Variants in BCAS3 observed in about 807,000 individuals in gnomAD.
BCAS3 encodes the protein BCAS3 microtubule associated cell migration factor.
In BCAS3, 53 loss-of-function variants were observed where a neutral mutation model predicts 116.1. The ratio of observed to expected loss-of-function variants is 0.46; its 90% CI spans 0.37 to 0.57. The LOEUF is 0.57. Among genes scored for constraint, BCAS3 ranks in the 20% least tolerant of loss-of-function variants. The pLI is 0.00. For missense variants in BCAS3, 917 were observed against 1,165.4 expected, an observed-to-expected ratio of 0.79 and a Z score of 3.10; for synonymous variants, 391 against 408.2, an observed-to-expected ratio of 0.96 and a Z score of 0.51.
At chr17:61,321,132 T>G (rs2055179019) in intron 22 of BCAS3, among the ~76,000 whole-genome samples, 1 of 152,342 alleles carries the variant, frequency 6.6e-6, no homozygotes, top group East Asian at 1.9e-4. Context: ...TTCTTTTTTT[T>G]TCTAATGAGA....
rs1413799862 is a variant in BCAS3 at position 61,095,275 on chromosome 17, T to G, written c.2425+10711T>G. 2.0e-5 allele frequency among the ~76,000 whole-genome samples: 3 copies of G among 152,202 alleles called. No homozygotes were observed. Among genetic ancestry groups the G allele is most frequent in the Non-Finnish European group, 4.4e-5 (3 of 68,024 alleles). On this transcript the variant is annotated intron_variant, in intron 22 of 23. Transcript: ENST00000407086. This position sits in a 1 kb window ranked among gnomAD's most constrained non-coding sequence, Gnocchi z 4.7. ...AATCTAGCTGTTGTCTATTAGAGGA[T>G]TTTCTCTTAAAAATGTTACTTTTCT...
intron 9 of BCAS3, among the ~76,000 whole-genome samples, chr17:60,887,874 G>T (rs1260902892): frequency 6.6e-6 from 1 of 152,024 alleles, no homozygotes; most frequent in African/African-American, 2.4e-5. Flanking sequence ...TTTTAGTAAT[G>T]GACAAATATA....
chr17:60,932,151 A>G (rs564261071), intron 13 of BCAS3, among the ~76,000 whole-genome samples: 3 of 152,316 alleles, frequency 2.0e-5, no homozygotes, highest in African/African-American at 4.8e-5. Flanking sequence ...TTTCATTATT[A>G]TCAATCACCT....
chr17:60,784,813 A>C (rs965239621), intron 6 of BCAS3, among the ~76,000 whole-genome samples: 1 of 151,554 alleles, frequency 6.6e-6, no homozygotes, highest in Non-Finnish European at 1.5e-5. Flanking sequence ...AAATGTAGCT[A>C]GGCCAGGCGC....
chr17:61,028,988 CTTTGT>C lies in BCAS3; in HGVS notation c.1638-5674_1638-5670del, dbSNP rs2066449540. ...TCTTCCATTTTGTTTATAAGAGCTC[CTTTGT>C]TTTAATAGTTTTTGCTATTTTTCCA... On this transcript the variant is annotated intron_variant, in intron 16 of 23. Coordinates refer to ENST00000407086, the MANE Select transcript of BCAS3 (RefSeq NM_017679.5). The surrounding 1 kb of genome is among the most constrained non-coding windows in gnomAD (Gnocchi z 4.3). Among the ~76,000 whole-genome samples the C allele has an allele frequency of 6.6e-6, 1 of 151,644 alleles. No individual in the cohort carries two copies. Among genetic ancestry groups the C allele is most frequent in the Non-Finnish European group, 1.5e-5 (1 of 67,810 alleles).
At position 61,208,324 on chromosome 17, in the gene BCAS3, ATG is replaced by A. The variant is rs2081265801; in HGVS notation, c.2425+123762_2425+123763del. 6.6e-6 allele frequency among the ~76,000 whole-genome samples: 1 copy of A among 152,082 alleles called. No homozygotes were observed. The highest frequency in any genetic ancestry group is 2.4e-5 in the African/African-American group (1 of 41,414). ...CAGGGACCAGAGAATTTTCTTCTTG[ATG>A]TTCTGTTAAAGCCTTGCTAAGCTCT... is the stretch of plus-strand genomic sequence containing the variant. On this transcript the variant is annotated intron_variant, in intron 22 of 23. Transcript: ENST00000407086. The surrounding 1 kb of genome is among the most constrained non-coding windows in gnomAD (Gnocchi z 4.5).
chr17:61,108,720 G>A (rs1023887806), intron 22 of BCAS3, among the ~76,000 whole-genome samples: 5 of 151,098 alleles, frequency 3.3e-5, no homozygotes, highest in Non-Finnish European at 7.4e-5. Flanking sequence ...CCCGAGCAGT[G>A]TACACTGTAT....
chr17:60,872,945 G>T lies in BCAS3; in HGVS notation c.585-1717G>T, dbSNP rs150010240. On this transcript the variant is annotated intron_variant, in intron 8 of 23. Coordinates refer to ENST00000407086, the MANE Select transcript of BCAS3 (RefSeq NM_017679.5). ...CATTATTTGATATTTTCTGTCAAAC[G>T]CTGTGTGTAGAGGAATAGTACAGAC... 7.2e-5 allele frequency among the ~76,000 whole-genome samples: 11 copies of T among 152,074 alleles called. No individual in the cohort carries two copies. The East Asian group carries it at 2.1e-3, about 29-fold the overall frequency.
chr17:61,135,117 T>G (rs2076551162), intron 22 of BCAS3, among the ~76,000 whole-genome samples: 1 of 152,200 alleles, frequency 6.6e-6, no homozygotes, highest in Admixed American at 6.5e-5. Context: ...GTTTCATGCT[T>G]CTTATAATGA....
At chr17:61,168,892 A>C (rs984209600) in intron 22 of BCAS3, among the ~76,000 whole-genome samples, 5 of 152,190 alleles carry the variant, frequency 3.3e-5, no homozygotes, top group African/African-American at 1.2e-4. Context: ...AGTAGTATAA[A>C]CTGATTTCTG....
chr17:61,353,550 A>AT (rs1390629276), intron 22 of BCAS3: 8 of 152,342 alleles, frequency 5.3e-5, no homozygotes, highest in African/African-American at 1.4e-4. Flanking sequence ...CAACCGTGAA[A>AT]CGGGGAATAG....
intron 18 of BCAS3, among the ~76,000 whole-genome samples, chr17:61,038,276 ATTTT>A (rs1157013916): frequency 7.3e-6 from 1 of 136,714 alleles, no homozygotes; most frequent in Non-Finnish European, 1.6e-5. Context: ...AGTTTCTAGA[ATTTT>A]TTTTTTTTTT....
At position 61,134,428 on chromosome 17, in the gene BCAS3, A is replaced by G. The variant is rs1043530803; in HGVS notation, c.2425+49864A>G. 6.6e-6 allele frequency among the ~76,000 whole-genome samples: 1 copy of G among 152,196 alleles called. No individual in the cohort carries two copies. The highest frequency in any genetic ancestry group is 1.9e-4 in the East Asian group (1 of 5,200). On this transcript the variant is annotated intron_variant, in intron 22 of 23. Transcript: ENST00000407086. This position sits in a 1 kb window ranked among gnomAD's most constrained non-coding sequence, Gnocchi z 4.6. Reference sequence around the variant, plus strand: ...GTGGAATGAGGATTCGGAACCACGCATGTCTGACTCCAGAGCCCTCGCTTT... The same window carrying G: ...GTGGAATGAGGATTCGGAACCACGCGTGTCTGACTCCAGAGCCCTCGCTTT...
At position 61,349,518 on chromosome 17, in the gene BCAS3, G is replaced by A. The variant is rs1216664183; in HGVS notation, c.2426-18809G>A. Among the ~76,000 whole-genome samples, 4 of 152,106 alleles carry A rather than the reference G, an allele frequency of 2.6e-5. No individual in the cohort carries two copies. The highest frequency in any genetic ancestry group is 4.2e-4 in the South Asian group (2 of 4,816). ...ATTATTGGTCCAGCTCTGCTTCTCC[G>A]AAAGCTTTTAGACCAGAGCCCCTCA... is the stretch of plus-strand genomic sequence containing the variant. On this transcript the variant is annotated intron_variant, in intron 22 of 23. Coordinates refer to ENST00000407086, the MANE Select transcript of BCAS3 (RefSeq NM_017679.5). This position sits in a 1 kb window ranked among gnomAD's most constrained non-coding sequence, Gnocchi z 4.7.
chr17:60,931,613 T>G (rs1291681803), intron 13 of BCAS3, among the ~76,000 whole-genome samples: 1 of 152,142 alleles, frequency 6.6e-6, no homozygotes, highest in African/African-American at 2.4e-5. Flanking sequence ...TTACACTGAT[T>G]CCTATCTTAA....
chr17:61,345,715 T>C lies in BCAS3; in HGVS notation c.2426-22612T>C, dbSNP rs528475345. On this transcript the variant is annotated intron_variant, in intron 22 of 23. Coordinates refer to ENST00000407086, the MANE Select transcript of BCAS3 (RefSeq NM_017679.5). ...AGAGGTGGGGACTTTACGGTGGACT[T>C]AGTGAGGGTGTTAGAGGACCTATGA... Among the ~76,000 whole-genome samples the C allele has an allele frequency of 3.3e-5, 5 of 151,942 alleles. No homozygotes were observed. In the East Asian group the frequency reaches 9.7e-4, roughly 29 times the overall value.
In BCAS3 at chr17:61,029,364, A is replaced by C. The variant is rs957268412; in HGVS notation, c.1638-5302A>C. On this transcript the variant is annotated intron_variant, in intron 16 of 23. Transcript: ENST00000407086. The surrounding 1 kb of genome is among the most constrained non-coding windows in gnomAD (Gnocchi z 5.2). ...TAACAAAATAAGCTTGTTGGAAAGT[A>C]AACTATGCATCTTCAACATTTTAGT... Among the ~76,000 whole-genome samples, 3 of 152,008 alleles carry C rather than the reference A, an allele frequency of 2.0e-5. No homozygotes were observed. In the South Asian group the frequency reaches 6.2e-4, roughly 31 times the overall value.
intron 5 of BCAS3, among the ~76,000 whole-genome samples, chr17:60,745,785 A>C (rs1367146893): frequency 1.3e-5 from 2 of 152,080 alleles, no homozygotes. Flanking sequence ...AGTGCTACAG[A>C]AGGATTTCTT....
chr17:61,236,534 G>C (rs558346586), intron 22 of BCAS3, among the ~76,000 whole-genome samples: 2 of 152,044 alleles, frequency 1.3e-5, no homozygotes, highest in Middle Eastern at 3.4e-3. Flanking sequence ...GTTAGCCAGG[G>C]TGGTCTCGAT....
Sources: gnomAD v4.1 joint callset for allele counts (sites outside exome capture counted in the v4.1 genomes callset) on GRCh38, gnomAD v4.1.1 for gene constraint, Gnocchi (gnomAD v3.1) non-coding constraint, MANE v1.5 for transcripts, NCBI Gene and HGNC (gene_info 2026-07-23, HGNC 2026-07-21) for gene names.